HIVEP1: variants seen among roughly 807,000 people sequenced by gnomAD.
The protein encoded by HIVEP1 is HIVEP zinc finger 1.
Under a neutral mutation model 180.0 loss-of-function variants are expected in HIVEP1, and 36 were observed. That is an observed-to-expected ratio of 0.20 (90% confidence interval 0.15 to 0.26). The LOEUF is 0.26. HIVEP1 is among the 10% of genes least tolerant of loss of function. HIVEP1 has a pLI of 1.00. For missense variants in HIVEP1, 3,143 were observed against 3,268.7 expected (o/e 0.96, Z 0.94); for synonymous variants, 1,239 against 1,239.0 (o/e 1.00, Z 0.00).
At chr6:12,077,533 C>CTTCTCAGG in intron 2 of HIVEP1, among the ~76,000 whole-genome samples, 1 of 152,246 alleles carries the variant, frequency 6.6e-6, no homozygotes, top group South Asian at 2.1e-4. Flanking sequence ...AGTAAGGAGC[C>CTTCTCAGG]TTCTCAGGGA....
At chr6:12,204,360 T>TCCCTTCCCTGTCTTCCTCTTTTACCTC in the HIVEP1 span, among the ~76,000 whole-genome samples, 78,058 of 150,466 alleles carry the variant, frequency 0.52, 21,375 homozygotes, top group African/African-American at 0.72. Flanking sequence ...TCAAGCTTCC[T>TCCCTTCCCTGTCTTCCTCTTTTACCTC]CCCTTCCCCG....
intron 7 of HIVEP1, among the ~76,000 whole-genome samples, chr6:12,143,830 G>A (rs1759201253): frequency 6.6e-6 from 1 of 152,114 alleles, no homozygotes; most frequent in Admixed American, 6.5e-5. Flanking sequence ...AACTTACAAG[G>A]GATGTGAAGG....
chr6:12,028,674 T>C (rs9470780), intron 2 of HIVEP1, among the ~76,000 whole-genome samples: 22,333 of 152,284 alleles, frequency 0.15, 1,688 homozygotes, highest in Admixed American at 0.19. Flanking sequence ...GCCTTAGTTA[T>C]ACTACTGTAT....
At chr6:12,095,940 T>C (rs1252334975) in intron 3 of HIVEP1, among the ~76,000 whole-genome samples, 1 of 152,028 alleles carries the variant, frequency 6.6e-6, no homozygotes, top group Non-Finnish European at 1.5e-5. Flanking sequence ...GAGATTATGA[T>C]AGCAGTCACC....
intron 2 of HIVEP1, among the ~76,000 whole-genome samples, chr6:12,049,949 T>A (rs1203795662): frequency 6.6e-6 from 1 of 152,174 alleles, no homozygotes; most frequent in Admixed American, 6.5e-5. Flanking sequence ...ACCAAATGAA[T>A]GTCACTTTCT....
the HIVEP1 span, among the ~76,000 whole-genome samples, chr6:12,206,462 C>G: frequency 1.3e-5 from 2 of 152,042 alleles, no homozygotes; most frequent in Non-Finnish European, 2.9e-5. Context: ...CACACACACA[C>G]AGAGAAAGAG....
intron 2 of HIVEP1, among the ~76,000 whole-genome samples, chr6:12,085,107 A>G (rs979897471): frequency 6.6e-6 from 1 of 152,134 alleles, no homozygotes; most frequent in African/African-American, 2.4e-5. Context: ...GTCAGTGTTT[A>G]TATGATCAGT....
chr6:12,164,041 C>T lies in HIVEP1; in HGVS notation c.7737C>T (p.Cys2579=), dbSNP rs369379642. The change falls in exon 9 of 9, where the codon TGC becomes TGT. Residue 2579 remains cysteine, a synonymous_variant. Transcript: ENST00000379388. ...TGCCAGCTTCCCAAAGCAAAGCATG[C>T]GAGACACAACCCAAGCAGACTTCTG... is the stretch of plus-strand genomic sequence containing the variant. ...PEMPASQSKA[C]ETQPKQTSVA... 155 of 1,614,072 alleles carry T rather than the reference C, an allele frequency of 9.6e-5. No individual in the cohort carries two copies. The African/African-American group carries it at 1.7e-3, about 17-fold the overall frequency.
At chr6:12,106,612 T>C (rs1441322874) in intron 3 of HIVEP1, among the ~76,000 whole-genome samples, 3 of 152,190 alleles carry the variant, frequency 2.0e-5, no homozygotes, top group African/African-American at 7.2e-5. Flanking sequence ...TAATAGATTG[T>C]CAGTGATTTC....
In HIVEP1 at chr6:12,131,779, TAAAAAAAA is replaced by T. The variant is rs143910763; in HGVS notation, c.6385+856_6385+863del. Among the ~76,000 whole-genome samples, 13 of 90,670 alleles carry T rather than the reference TAAAAAAAA, an allele frequency of 1.4e-4. No individual in the cohort carries two copies. In the East Asian group the frequency reaches 1.7e-3, roughly 12 times the overall value. The allele number at this position is 90,670 out of a possible 152,430, so 59.5% of individuals were successfully genotyped here. A position where few individuals can be genotyped will look rare whatever the true frequency, so the allele number is the denominator to read the frequency against. ...CGTGAAAACATGTCTGAGAAAACAG[TAAAAAAAA>T]AAAAAAAAAAAAAAAAAATTAATTG... On this transcript the variant is annotated intron_variant, in intron 6 of 8. Transcript: ENST00000379388.
chr6:12,142,178 A>G (rs1310356372), intron 7 of HIVEP1, among the ~76,000 whole-genome samples: 2 of 152,234 alleles, frequency 1.3e-5, no homozygotes, highest in Non-Finnish European at 2.9e-5. Context: ...AATCACAACA[A>G]ACTGTCTCTC....
downstream of HIVEP1, among the ~76,000 whole-genome samples, chr6:12,169,843 T>G (rs1222140282): frequency 6.6e-6 from 1 of 152,088 alleles, no homozygotes; most frequent in African/African-American, 2.4e-5. Context: ...ACCAATAGTG[T>G]AGAAAGCACT....
chr6:12,162,129 C>G (rs1019775440), intron 8 of HIVEP1, among the ~76,000 whole-genome samples, 200 bp downstream of exon 8: 1 of 150,784 alleles, frequency 6.6e-6, no homozygotes, highest in Non-Finnish European at 1.5e-5. Flanking sequence ...TTAAGCAGTT[C>G]AGATATTTTA....
chr6:12,106,397 A>G (rs956443679), intron 3 of HIVEP1, among the ~76,000 whole-genome samples: 4 of 152,064 alleles, frequency 2.6e-5, no homozygotes, highest in African/African-American at 7.2e-5. Flanking sequence ...TATGTAAGCC[A>G]CTTTTAAACA....
chr6:12,062,624 G>A (rs557441340), intron 2 of HIVEP1, among the ~76,000 whole-genome samples: 9 of 152,200 alleles, frequency 5.9e-5, no homozygotes, highest in East Asian at 5.8e-4. Context: ...GCTACATGCC[G>A]AGTGCTACTC....
chr6:12,190,223 T>C, the HIVEP1 span, among the ~76,000 whole-genome samples: 23,676 of 152,228 alleles, frequency 0.16, 2,130 homozygotes, highest in Middle Eastern at 0.23. Context: ...AAACCTTTAG[T>C]TCCTTTTGAA....
intron 6 of HIVEP1, among the ~76,000 whole-genome samples, chr6:12,132,549 A>G (rs1307656322): frequency 6.6e-6 from 1 of 152,162 alleles, no homozygotes; most frequent in Non-Finnish European, 1.5e-5. Flanking sequence ...GAAAAATATG[A>G]TGAGTCACAA....
At chr6:12,031,973 G>C (rs188259816) in intron 2 of HIVEP1, among the ~76,000 whole-genome samples, 1 of 152,156 alleles carries the variant, frequency 6.6e-6, no homozygotes, top group Non-Finnish European at 1.5e-5. Context: ...GTTTTGACAG[G>C]CCTCTTACTT....
the HIVEP1 span, among the ~76,000 whole-genome samples, chr6:12,207,066 G>C: frequency 1.3e-5 from 2 of 152,122 alleles, no homozygotes; most frequent in African/African-American, 4.8e-5. Flanking sequence ...TCACATCAAA[G>C]TTTCAGAAGC....
Sources: gnomAD v4.1 joint callset for allele counts (sites outside exome capture counted in the v4.1 genomes callset) on GRCh38, gnomAD v4.1.1 for gene constraint, MANE v1.5 for transcripts, NCBI Gene and HGNC (gene_info 2026-07-23, HGNC 2026-07-21) for gene names.